Variants in DPP6 observed in about 807,000 individuals in gnomAD.
The protein encoded by DPP6 is dipeptidyl peptidase like 6.
A neutral mutation model predicts 122.6 loss-of-function variants in DPP6; 69 were observed. That is an observed-to-expected ratio of 0.56 (90% confidence interval 0.46 to 0.69). DPP6 has a LOEUF of 0.69. Among genes scored for constraint, DPP6 ranks in the 30% least tolerant of loss-of-function variants. The pLI, the probability that DPP6 is intolerant of heterozygous loss-of-function variation, is 0.00. For synonymous variants in DPP6, 418 were observed against 433.1 expected (o/e 0.97, Z 0.43); for missense variants, 928 against 1,116.9 (o/e 0.83, Z 2.41).
At chr7:154,060,576 G>A (rs1169856976) in intron 1 of DPP6, among the ~76,000 whole-genome samples, 5 of 119,610 alleles carry the variant, frequency 4.2e-5, no homozygotes, top group East Asian at 2.6e-4. Context: ...GGTACCTTAC[G>A]TGGGATTACT....
the DPP6 span, among the ~76,000 whole-genome samples, chr7:153,862,802 AATT>A: frequency 6.6e-6 from 1 of 152,136 alleles, no homozygotes; most frequent in East Asian, 1.9e-4. Context: ...TATTTATAAA[AATT>A]ATGCGTTAAG....
chr7:154,343,617 G>C (rs1225101552), intron 1 of DPP6, among the ~76,000 whole-genome samples: 1 of 152,240 alleles, frequency 6.6e-6, no homozygotes, highest in Non-Finnish European at 1.5e-5. Context: ...GTCTTTCTCT[G>C]TCACCCTGGC....
At chr7:154,801,216 C>A in intron 12 of DPP6, 139 bp from the exon 13 acceptor site, 1 of 1,234,570 alleles carries the variant, frequency 8.1e-7, no homozygotes, top group South Asian at 1.5e-5. Flanking sequence ...ACGGCCTCAT[C>A]AAGCACTTAT....
the DPP6 span, among the ~76,000 whole-genome samples, chr7:153,800,529 T>G: frequency 6.6e-6 from 1 of 151,950 alleles, no homozygotes; most frequent in African/African-American, 2.4e-5. Context: ...TTAACGAAAC[T>G]TTTTTTTAAT....
chr7:153,891,661 C>T (rs577987763), intron 1 of DPP6, among the ~76,000 whole-genome samples: 60 of 152,214 alleles, frequency 3.9e-4, no homozygotes, highest in African/African-American at 1.4e-3. Context: ...GGTGTTGCTT[C>T]GTGCTGAATT....
chr7:154,790,175 G>T (rs556657441), intron 10 of DPP6, among the ~76,000 whole-genome samples: 5 of 152,308 alleles, frequency 3.3e-5, no homozygotes, highest in Non-Finnish European at 7.4e-5. Flanking sequence ...TCCAGCCTGG[G>T]CAACAGAGCG....
At chr7:153,892,374 C>G (rs1799239718) in intron 1 of DPP6, among the ~76,000 whole-genome samples, 2 of 152,028 alleles carry the variant, frequency 1.3e-5, no homozygotes, top group African/African-American at 4.8e-5. Context: ...AATGCAGTGG[C>G]ACAGTCTCAG....
At chr7:154,574,524 ATG>A (rs1168899308) in intron 5 of DPP6, among the ~76,000 whole-genome samples, 4 of 95,980 alleles carry the variant, frequency 4.2e-5, no homozygotes, top group Non-Finnish European at 8.1e-5. Flanking sequence ...TGTGGTGTAT[ATG>A]TGTGGTGTGT....
intron 1 of DPP6, among the ~76,000 whole-genome samples, chr7:154,371,954 G>A (rs1240238354): frequency 1.3e-5 from 2 of 152,170 alleles, no homozygotes; most frequent in African/African-American, 2.4e-5. Context: ...ATGCGGGCAG[G>A]AGGAAGTTAT....
intron 5 of DPP6, among the ~76,000 whole-genome samples, chr7:154,634,453 T>C (rs1163583543): frequency 1.3e-5 from 2 of 152,110 alleles, no homozygotes; most frequent in African/African-American, 4.8e-5. Flanking sequence ...GGATTATAAA[T>C]CATGCTGCTA....
chr7:154,815,620 G>A (rs1159130970), intron 16 of DPP6, among the ~76,000 whole-genome samples: 1 of 152,138 alleles, frequency 6.6e-6, no homozygotes, highest in Non-Finnish European at 1.5e-5. Flanking sequence ...TTGGCCATTT[G>A]GTGCTTCCTA....
chr7:154,557,743 G>A (rs1020966869), intron 4 of DPP6, among the ~76,000 whole-genome samples: 2 of 152,020 alleles, frequency 1.3e-5, no homozygotes, highest in Non-Finnish European at 2.9e-5. Flanking sequence ...ATGCCATCCC[G>A]TGGGCTTTCT....
chr7:154,431,558 G>A (rs1292732811), intron 1 of DPP6, among the ~76,000 whole-genome samples: 3 of 114,306 alleles, frequency 2.6e-5, no homozygotes, highest in Non-Finnish European at 5.3e-5. Flanking sequence ...TTTTGAGATG[G>A]AATCTTGCTC....
chr7:154,683,253 T>C (rs900594057), intron 7 of DPP6, among the ~76,000 whole-genome samples: 2 of 152,116 alleles, frequency 1.3e-5, no homozygotes, highest in African/African-American at 4.8e-5. Context: ...CCTAGATCGC[T>C]CTAGAGCCTG....
chr7:154,670,164 CG>C (rs3837062), intron 7 of DPP6, among the ~76,000 whole-genome samples: 73,293 of 151,940 alleles, frequency 0.48, 17,789 homozygotes, highest in Admixed American at 0.53. Flanking sequence ...CCAGCCTCTG[CG>C]GAGGGTTTTT....
chr7:153,918,427 AACAC>A (rs5888535), intron 1 of DPP6, among the ~76,000 whole-genome samples: 15,235 of 110,154 alleles, frequency 0.14, 1,163 homozygotes, highest in South Asian at 0.15. Flanking sequence ...AGTTAATTAA[AACAC>A]ACACACACAC....
At chr7:154,771,936 C>G (rs773554454) in intron 9 of DPP6, among the ~76,000 whole-genome samples, 1 of 152,184 alleles carries the variant, frequency 6.6e-6, no homozygotes, top group Non-Finnish European at 1.5e-5. Flanking sequence ...CCACCCCACC[C>G]GCCAGAAGAG....
At chr7:154,830,098 A>C (rs1800516336) in intron 16 of DPP6, among the ~76,000 whole-genome samples, 1 of 152,174 alleles carries the variant, frequency 6.6e-6, no homozygotes, top group Non-Finnish European at 1.5e-5. Context: ...GTATATCCTG[A>C]GCAAGTATTA....
Position 154,241,822 on chromosome 7 carries a change from T to C in DPP6, c.243+188759T>C, listed in dbSNP as rs929473470. On this transcript the variant is annotated intron_variant, in intron 1 of 25. Coordinates refer to ENST00000377770, the MANE Select transcript of DPP6 (RefSeq NM_130797.4). This position sits in a 1 kb window ranked among gnomAD's most constrained non-coding sequence, Gnocchi z 9.0. ...CAAAACTACAGAAAAGAGCCATTTC[T>C]TCCATTTCTCTAAAACATAGCCCTG... 6.6e-6 allele frequency among the ~76,000 whole-genome samples: 1 copy of C among 152,210 alleles called. No individual in the cohort carries two copies. The highest frequency in any genetic ancestry group is 6.5e-5 in the Admixed American group (1 of 15,276).
Sources: allele counts gnomAD v4.1 joint callset (sites outside exome capture counted in the v4.1 genomes callset), GRCh38; gene constraint gnomAD v4.1.1; non-coding constraint Gnocchi (gnomAD v3.1); transcripts MANE v1.5; gene names NCBI Gene and HGNC (gene_info 2026-07-23, HGNC 2026-07-21).